Variants in GBE1 observed in about 807,000 individuals in gnomAD.
GBE1 encodes 1,4-alpha-glucan-branching enzyme.
GBE1 carries 70 observed loss-of-function variants against 88.8 expected under a neutral mutation model. The observed-to-expected ratio is 0.79, with a 90% CI of 0.65 to 0.96. The LOEUF (loss-of-function observed/expected upper bound fraction) is 0.96, where lower values mean the gene tolerates loss of function less well. Ranked by LOEUF, GBE1 falls within the 40% of genes least tolerant of loss-of-function variation. The pLI, the probability that GBE1 is intolerant of heterozygous loss-of-function variation, is 0.00. For synonymous variants in GBE1, 284 were observed against 300.1 expected, an observed-to-expected ratio of 0.95 and a Z score of 0.56; for missense variants, 872 against 871.0, an observed-to-expected ratio of 1.00 and a Z score of -0.01.
chr3:81,704,035 T>C (rs1038419817), intron 2 of GBE1, among the ~76,000 whole-genome samples: 4 of 151,958 alleles, frequency 2.6e-5, no homozygotes, highest in Non-Finnish European at 4.4e-5. Flanking sequence ...CAATGAAAAC[T>C]TACCATCTTA....
chr3:81,680,744 T>C (rs1043294011), intron 2 of GBE1, among the ~76,000 whole-genome samples: 1 of 152,164 alleles, frequency 6.6e-6, no homozygotes, highest in African/African-American at 2.4e-5. Flanking sequence ...AATTAAATCA[T>C]GAAGGAAAGC....
chr3:81,750,620 TATATATATAC>T (rs1296368091), intron 1 of GBE1, among the ~76,000 whole-genome samples: 8 of 68,598 alleles, frequency 1.2e-4, no homozygotes, highest in African/African-American at 7.5e-4. Flanking sequence ...TATATATGTA[TATATATATAC>T]GTATATATAT....
intron 1 of GBE1, among the ~76,000 whole-genome samples, chr3:81,748,716 A>G (rs1706453749): frequency 1.3e-5 from 2 of 152,162 alleles, no homozygotes; most frequent in Admixed American, 1.3e-4. Flanking sequence ...GATACTGTAG[A>G]AAATATCTGG....
At chr3:81,620,893 G>T (rs190816845) in intron 7 of GBE1, among the ~76,000 whole-genome samples, 2 of 152,264 alleles carry the variant, frequency 1.3e-5, no homozygotes, top group Admixed American at 1.3e-4. Context: ...CCATAAAGCA[G>T]AGGAGGAAGT....
chr3:81,564,534 T>C (rs879368773), intron 12 of GBE1, among the ~76,000 whole-genome samples: 2 of 152,176 alleles, frequency 1.3e-5, no homozygotes, highest in Non-Finnish European at 2.9e-5. Flanking sequence ...AGAATATTAG[T>C]ATAATCTTTT....
At chr3:81,575,666 C>T (rs1359551746) in intron 12 of GBE1, among the ~76,000 whole-genome samples, 1 of 152,006 alleles carries the variant, frequency 6.6e-6, no homozygotes, top group Non-Finnish European at 1.5e-5. Context: ...AGTAAACAAT[C>T]AAGTTGTTTC....
At chr3:81,728,425 C>T (rs1443483724) in intron 1 of GBE1, among the ~76,000 whole-genome samples, 1 of 152,152 alleles carries the variant, frequency 6.6e-6, no homozygotes. Context: ...TCTATCCTAA[C>T]AGAGATAGAT....
intron 2 of GBE1, among the ~76,000 whole-genome samples, chr3:81,703,194 G>A (rs1216613525): frequency 4.6e-5 from 7 of 152,036 alleles, no homozygotes; most frequent in Admixed American, 3.3e-4. Context: ...AAAAAGTCAA[G>A]GCAGTCACTT....
intron 7 of GBE1, among the ~76,000 whole-genome samples, chr3:81,627,064 A>G (rs775682602): frequency 6.6e-6 from 1 of 152,148 alleles, no homozygotes; most frequent in Admixed American, 6.5e-5. Context: ...TGCCATTGTT[A>G]TTTCGTGAAT....
At chr3:81,748,650 C>T (rs950289381) in intron 1 of GBE1, among the ~76,000 whole-genome samples, 2 of 151,680 alleles carry the variant, frequency 1.3e-5, no homozygotes, top group African/African-American at 4.9e-5. Context: ...AATGATAATA[C>T]CAAATGTTGG....
At chr3:81,659,000 T>C (rs1704983204) in intron 3 of GBE1, among the ~76,000 whole-genome samples, 3 of 152,112 alleles carry the variant, frequency 2.0e-5, no homozygotes, top group Non-Finnish European at 4.4e-5. Flanking sequence ...TCCAAGATAT[T>C]GAAAGATCAA....
intron 1 of GBE1, chr3:81,743,417 C>A: frequency 5.2e-6 from 3 of 577,082 alleles, no homozygotes; most frequent in East Asian, 3.0e-5. Flanking sequence ...AGACACAAGG[C>A]ACACACACAA....
At chr3:81,756,396 A>T (rs1405176374) in intron 1 of GBE1, among the ~76,000 whole-genome samples, 1 of 152,224 alleles carries the variant, frequency 6.6e-6, no homozygotes, top group African/African-American at 2.4e-5. Context: ...CAAAGGAAAA[A>T]TGAAGTCAGA....
chr3:81,538,216 A>C (rs1254250762), intron 12 of GBE1, among the ~76,000 whole-genome samples: 1 of 151,988 alleles, frequency 6.6e-6, no homozygotes, highest in African/African-American at 2.4e-5. Context: ...ATCCTACTTC[A>C]AATACACTGC....
At chr3:81,540,452 T>C (rs1703129545) in intron 12 of GBE1, among the ~76,000 whole-genome samples, 1 of 152,028 alleles carries the variant, frequency 6.6e-6, no homozygotes, top group Non-Finnish European at 1.5e-5. Flanking sequence ...TTATAAGTGA[T>C]GTGAATATAG....
intron 3 of GBE1, among the ~76,000 whole-genome samples, chr3:81,655,443 T>C (rs1029085402): frequency 1.3e-5 from 2 of 152,198 alleles, no homozygotes; most frequent in African/African-American, 2.4e-5. Flanking sequence ...AAATAAGTGA[T>C]ATTCCAGATG....
At chr3:81,759,405 T>C (rs1460521424) in intron 1 of GBE1, among the ~76,000 whole-genome samples, 4 of 152,228 alleles carry the variant, frequency 2.6e-5, no homozygotes, top group Non-Finnish European at 5.9e-5. Context: ...GTTTGACTGG[T>C]TATGTATTTG....
At chr3:81,760,982 A>T (rs1706672553) in intron 1 of GBE1, among the ~76,000 whole-genome samples, 1 of 152,250 alleles carries the variant, frequency 6.6e-6, no homozygotes, top group Non-Finnish European at 1.5e-5. Flanking sequence ...GCCAGGAGTT[A>T]TGCCCACGTT....
At chr3:81,594,384 A>G (rs920771109) in intron 7 of GBE1, among the ~76,000 whole-genome samples, 3 of 152,108 alleles carry the variant, frequency 2.0e-5, no homozygotes, top group Non-Finnish European at 4.4e-5. Flanking sequence ...AAGCAAAGGA[A>G]TAAAATCTAT....
Sources: allele counts gnomAD v4.1 joint callset (sites outside exome capture counted in the v4.1 genomes callset), GRCh38; gene constraint gnomAD v4.1.1; transcripts MANE v1.5; gene names NCBI Gene and HGNC (gene_info 2026-07-23, HGNC 2026-07-21).